Variants in SGCD observed in about 807,000 individuals in gnomAD.
SGCD encodes sarcoglycan delta, also known as delta-sarcoglycan.
SGCD carries 18 observed loss-of-function variants against 36.6 expected under a neutral mutation model. The ratio of observed to expected loss-of-function variants is 0.49; its 90% CI spans 0.34 to 0.73. The LOEUF (loss-of-function observed/expected upper bound fraction) is 0.73, where lower values mean the gene tolerates loss of function less well. Among genes scored for constraint, SGCD ranks in the 30% least tolerant of loss-of-function variants. SGCD has a pLI of 0.01. For missense variants in SGCD, 387 were observed against 346.7 expected, an observed-to-expected ratio of 1.12 and a Z score of -0.92; for synonymous variants, 133 against 130.6, an observed-to-expected ratio of 1.02 and a Z score of -0.12.
intron 6 of SGCD, among the ~76,000 whole-genome samples, chr5:156,644,034 A>C (rs1267021484): frequency 1.3e-5 from 2 of 152,160 alleles, no homozygotes; most frequent in African/African-American, 2.4e-5. Context: ...CATCAGGAAA[A>C]AATTTACCAA....
chr5:156,231,577 A>T (rs1765019886), intron 3 of SGCD, among the ~76,000 whole-genome samples: 1 of 152,152 alleles, frequency 6.6e-6, no homozygotes, highest in South Asian at 2.1e-4. Flanking sequence ...TAAAAAGGTG[A>T]ACAGAAGATA....
At chr5:156,088,716 C>T (rs1016834456) in intron 1 of SGCD, among the ~76,000 whole-genome samples, 1 of 152,118 alleles carries the variant, frequency 6.6e-6, no homozygotes, top group Non-Finnish European at 1.5e-5. Flanking sequence ...GACAAAGTCT[C>T]ACTATGTTGC....
intron 3 of SGCD, among the ~76,000 whole-genome samples, chr5:156,159,778 C>A (rs570551878): frequency 2.6e-5 from 4 of 151,554 alleles, no homozygotes; most frequent in Non-Finnish European, 5.9e-5. Context: ...TAATTGAAAT[C>A]CATTGTAAAG....
At chr5:155,854,445 T>A in the SGCD span, among the ~76,000 whole-genome samples, 8 of 152,324 alleles carry the variant, frequency 5.3e-5, no homozygotes, top group Admixed American at 3.9e-4. Context: ...AATTTTCCCC[T>A]AAGAAGCTTT....
chr5:156,749,834 A>G (rs1479678929), intron 7 of SGCD, among the ~76,000 whole-genome samples: 1 of 152,176 alleles, frequency 6.6e-6, no homozygotes, highest in Non-Finnish European at 1.5e-5. Context: ...GTTTAAACAT[A>G]CAAGGCACAA....
chr5:156,482,552 C>A (rs1049287952), intron 3 of SGCD, among the ~76,000 whole-genome samples: 2 of 152,106 alleles, frequency 1.3e-5, no homozygotes, highest in South Asian at 4.1e-4. Flanking sequence ...TGGTTGCTAA[C>A]TAGGCTTTGA....
At chr5:156,548,395 A>C (rs1185352309) in intron 4 of SGCD, among the ~76,000 whole-genome samples, 1 of 152,350 alleles carries the variant, frequency 6.6e-6, no homozygotes, top group Admixed American at 6.5e-5. Context: ...TGGATCAGTA[A>C]AAGTACCAAA....
At chr5:156,028,338 AAT>A (rs1436532630) in intron 1 of SGCD, among the ~76,000 whole-genome samples, 1 of 152,184 alleles carries the variant, frequency 6.6e-6, no homozygotes, top group Non-Finnish European at 1.5e-5. Flanking sequence ...TTCAAAAATA[AAT>A]AGAGAATAAT....
chr5:156,733,951 G>T (rs1277205420), intron 7 of SGCD, among the ~76,000 whole-genome samples: 1 of 151,814 alleles, frequency 6.6e-6, no homozygotes, highest in Admixed American at 6.6e-5. Context: ...ATGTGTATTT[G>T]ATCCTCTCAT....
chr5:156,412,192 A>G (rs1003521383), intron 3 of SGCD, among the ~76,000 whole-genome samples: 2 of 152,224 alleles, frequency 1.3e-5, no homozygotes, highest in Non-Finnish European at 2.9e-5. Context: ...CTGCTTGGCC[A>G]CATCCTACCT....
chr5:156,059,181 C>T (rs1760138754), intron 1 of SGCD, among the ~76,000 whole-genome samples: 1 of 144,958 alleles, frequency 6.9e-6, no homozygotes, highest in Non-Finnish European at 1.5e-5. Flanking sequence ...ATTGTCCCAC[C>T]TCGTGAATGA....
chr5:156,415,400 T>C (rs1175962520), intron 3 of SGCD, among the ~76,000 whole-genome samples: 1 of 152,206 alleles, frequency 6.6e-6, no homozygotes, highest in East Asian at 1.9e-4. Flanking sequence ...CTATTTTGTA[T>C]GATTATTTAT....
chr5:155,849,205 T>G, the SGCD span, among the ~76,000 whole-genome samples: 1 of 152,202 alleles, frequency 6.6e-6, no homozygotes, highest in African/African-American at 2.4e-5. Context: ...AAGCTCCTTC[T>G]GGGAAGTAAC....
chr5:156,578,249 T>G (rs1020679233), intron 4 of SGCD, among the ~76,000 whole-genome samples: 1 of 152,208 alleles, frequency 6.6e-6, no homozygotes, highest in Non-Finnish European at 1.5e-5. Flanking sequence ...CAGCCTTGCA[T>G]CCCAGGAATG....
rs954775964 is a variant in SGCD at position 156,234,368 on chromosome 5, A to G, written c.-43-95166A>G. Among the ~76,000 whole-genome samples the G allele has an allele frequency of 8.5e-5, 13 of 152,302 alleles. 2 individuals are homozygous for G. The highest frequency in any genetic ancestry group is 8.5e-4 in the Admixed American group (13 of 15,296). ...CTCTTAACCCAGCAACTTTATACAT[A>G]TTTAAAAATATAAATTTTAACCCAG... On this transcript the variant is annotated intron_variant, in intron 3 of 9. Coordinates refer to the SGCD transcript ENST00000517913.
chr5:156,137,230 C>T (rs1441518327), intron 3 of SGCD, among the ~76,000 whole-genome samples: 1 of 152,218 alleles, frequency 6.6e-6, no homozygotes, highest in Non-Finnish European at 1.5e-5. Context: ...GCATCCCAAG[C>T]CTGGGCTTAG....
the SGCD span, among the ~76,000 whole-genome samples, chr5:155,831,803 G>T: frequency 6.6e-6 from 1 of 152,176 alleles, no homozygotes; most frequent in Non-Finnish European, 1.5e-5. Flanking sequence ...TATGAGTGGT[G>T]CTCTGCCTGA....
At chr5:156,135,074 C>T (rs1228161138) in intron 3 of SGCD, among the ~76,000 whole-genome samples, 1 of 152,100 alleles carries the variant, frequency 6.6e-6, no homozygotes, top group Non-Finnish European at 1.5e-5. Context: ...TTCTAGTTCC[C>T]AACTCTGCAT....
At chr5:156,504,392 G>GTATATATATATATATATATATATATA (rs59580975) in intron 3 of SGCD, among the ~76,000 whole-genome samples, 14 of 75,096 alleles carry the variant, frequency 1.9e-4, no homozygotes, top group African/African-American at 3.9e-4. Flanking sequence ...GTGTGTGTGT[G>GTATATATATATATATATATATATATA]TATATATATA....
Sources: gnomAD v4.1 joint callset for allele counts (sites outside exome capture counted in the v4.1 genomes callset) on GRCh38, gnomAD v4.1.1 for gene constraint, MANE v1.5 for transcripts, NCBI Gene and HGNC (gene_info 2026-07-23, HGNC 2026-07-21) for gene names.